The following CDC73 variants were observed in gnomAD, a reference collection of about 807,000 sequenced individuals.
The protein encoded by CDC73 is cell division cycle 73, also known as parafibromin.
Under a neutral mutation model 83.7 loss-of-function variants are expected in CDC73, and 21 were observed. That is an observed-to-expected ratio of 0.25 (90% CI 0.18 to 0.36). The LOEUF (loss-of-function observed/expected upper bound fraction) is 0.36. Ranked by LOEUF, CDC73 falls within the 10% of genes least tolerant of loss-of-function variation. The probability of loss-of-function intolerance (pLI) is 1.00; values close to 1 mark genes in which losing one functional copy is unlikely to be tolerated. For synonymous variants in CDC73, 224 were observed against 212.9 expected (o/e 1.05, Z -0.45); for missense variants, 342 against 653.3 (o/e 0.52, Z 5.19).
chr1:193,163,151 TTGTGTGTGTGTG>T (rs57194967), intron 10 of CDC73, among the ~76,000 whole-genome samples: 1 of 39,824 alleles, frequency 2.5e-5, no homozygotes, highest in Non-Finnish European at 1.1e-4. Context: ...CTTTGTGGGG[TTGTGTGTGTGTG>T]TGTGTGTGTG....
At chr1:193,125,669 C>T (rs577193515) in intron 2 of CDC73, among the ~76,000 whole-genome samples, 28 of 150,098 alleles carry the variant, frequency 1.9e-4, no homozygotes, top group Admixed American at 5.3e-4. Context: ...CTCTACTTCT[C>T]GGGCTCAAGC....
intron 10 of CDC73, chr1:193,180,272 AT>A: frequency 3.9e-6 from 6 of 1,529,670 alleles, no homozygotes; most frequent in Non-Finnish European, 4.4e-6. Context: ...CAAATTGCAC[AT>A]TTGAAAAAAA....
At chr1:193,165,478 TAC>T (rs1676420602) in intron 10 of CDC73, among the ~76,000 whole-genome samples, 1 of 152,210 alleles carries the variant, frequency 6.6e-6, no homozygotes, top group Admixed American at 6.5e-5. Flanking sequence ...ATGAACGTTT[TAC>T]ACAGTCTCAG....
chr1:193,214,081 T>C (rs1297928019), intron 13 of CDC73, among the ~76,000 whole-genome samples: 1 of 152,218 alleles, frequency 6.6e-6, no homozygotes, highest in Non-Finnish European at 1.5e-5. Context: ...CTTCTGTGGC[T>C]CTAGTTCCAG....
intron 10 of CDC73, among the ~76,000 whole-genome samples, chr1:193,183,253 C>T (rs1289550119): frequency 6.6e-6 from 1 of 151,378 alleles, no homozygotes; most frequent in African/African-American, 2.4e-5. Flanking sequence ...GGAATTTGAA[C>T]AAATATCTAA....
intron 10 of CDC73, among the ~76,000 whole-genome samples, chr1:193,198,885 A>G (rs755942433): frequency 2.0e-4 from 30 of 152,252 alleles, no homozygotes; most frequent in Non-Finnish European, 3.4e-4. Context: ...CTCATCGTAC[A>G]ATAGATACAA....
chr1:193,222,709 T>G (rs1677493378), intron 13 of CDC73, among the ~76,000 whole-genome samples: 1 of 151,828 alleles, frequency 6.6e-6, no homozygotes, highest in Admixed American at 6.6e-5. Flanking sequence ...TTGGTGTTTT[T>G]CATCAGTTCT....
At chr1:193,195,322 C>T (rs1033676460) in intron 10 of CDC73, among the ~76,000 whole-genome samples, 38 of 152,130 alleles carry the variant, frequency 2.5e-4, no homozygotes, top group African/African-American at 8.9e-4. Context: ...TGTGTTGTAG[C>T]ACGTATTACA....
At chr1:193,126,559 T>C (rs1232656869) in intron 2 of CDC73, among the ~76,000 whole-genome samples, 2 of 152,198 alleles carry the variant, frequency 1.3e-5, no homozygotes, top group African/African-American at 4.8e-5. Context: ...CTAAAAGATA[T>C]TTAATTTTTT....
At chr1:193,122,744 A>G (rs1011137217) in intron 1 of CDC73, among the ~76,000 whole-genome samples, 1 of 151,794 alleles carries the variant, frequency 6.6e-6, no homozygotes, top group Non-Finnish European at 1.5e-5. Flanking sequence ...GCTGCTATGT[A>G]ACTATCTCCG....
chr1:193,147,470 C>T (rs1676021945), intron 7 of CDC73, among the ~76,000 whole-genome samples: 1 of 151,278 alleles, frequency 6.6e-6, no homozygotes, highest in African/African-American at 2.4e-5. Context: ...CGTGTTCACA[C>T]CATATTCCTG....
intron 11 of CDC73, among the ~76,000 whole-genome samples, chr1:193,208,775 G>C (rs1375325855): frequency 6.6e-6 from 1 of 151,804 alleles, no homozygotes; most frequent in Non-Finnish European, 1.5e-5. Context: ...TCTTCTCTGT[G>C]GTCTACACAT....
chr1:193,239,214 A>T (rs564408491), intron 15 of CDC73, among the ~76,000 whole-genome samples: 17 of 152,234 alleles, frequency 1.1e-4, no homozygotes, highest in Non-Finnish European at 2.1e-4. Flanking sequence ...TATTCCTCAA[A>T]CTATTTCTTA....
At chr1:193,189,255 A>G (rs748492135) in intron 10 of CDC73, among the ~76,000 whole-genome samples, 7 of 152,096 alleles carry the variant, frequency 4.6e-5, no homozygotes, top group Non-Finnish European at 1.0e-4. Context: ...TGCCCAGCCA[A>G]CCTGTTTGTT....
chr1:193,168,069 C>A (rs573168714), intron 10 of CDC73, among the ~76,000 whole-genome samples: 1 of 152,048 alleles, frequency 6.6e-6, no homozygotes, highest in African/African-American at 2.4e-5. Context: ...CCATGTTGGC[C>A]AGGCTGGTCC....
chr1:193,157,378 A>T (rs1224418711), intron 10 of CDC73, among the ~76,000 whole-genome samples: 1 of 152,176 alleles, frequency 6.6e-6, no homozygotes, highest in Non-Finnish European at 1.5e-5. Context: ...CATGCTTCTG[A>T]TGGAGTCATT....
At chr1:193,132,746 G>T (rs1332301829) in intron 3 of CDC73, among the ~76,000 whole-genome samples, 5 of 151,906 alleles carry the variant, frequency 3.3e-5, no homozygotes, top group Non-Finnish European at 7.4e-5. Flanking sequence ...CAGAAGATGT[G>T]ATATAAGGTC....
chr1:193,150,300 A>G lies in CDC73; in HGVS notation c.829-4A>G, dbSNP rs1196539306. 1.9e-6 allele frequency: 3 copies of G among 1,593,922 alleles called. No individual in the cohort carries two copies. Among genetic ancestry groups the G allele is most frequent in the Non-Finnish European group, 1.7e-6 (2 of 1,161,672 alleles). On this transcript the variant is annotated splice_polypyrimidine_tract_variant and splice_region_variant and intron_variant, in intron 8 of 16. Transcript: ENST00000367435. ...CAAGTAACTCATAATTAATTTTTTT[A>G]CAGGATCCCACTTTGCGCACCAAAC...
intron 10 of CDC73, among the ~76,000 whole-genome samples, chr1:193,177,644 C>T (rs1398717011): frequency 6.6e-6 from 1 of 151,824 alleles, no homozygotes; most frequent in Non-Finnish European, 1.5e-5. Context: ...TAGTGTTGTT[C>T]CTGAGGGTTG....
Sources: gnomAD v4.1 joint callset for allele counts (sites outside exome capture counted in the v4.1 genomes callset) on GRCh38, gnomAD v4.1.1 for gene constraint, MANE v1.5 for transcripts, NCBI Gene and HGNC (gene_info 2026-07-23, HGNC 2026-07-21) for gene names.